Variants in FBXL13 observed in about 807,000 individuals in gnomAD.
FBXL13 encodes F-box and leucine rich repeat protein 13.
A neutral mutation model predicts 83.6 loss-of-function variants in FBXL13; 67 were observed. That is an observed-to-expected ratio of 0.80 (90% CI 0.66 to 0.98). FBXL13 has a LOEUF of 0.98. FBXL13 is among the 50% of genes least tolerant of loss of function. FBXL13 has a pLI of 0.00. For missense variants in FBXL13, 822 were observed against 866.5 expected, an observed-to-expected ratio of 0.95 and a Z score of 0.64; for synonymous variants, 272 against 299.5, an observed-to-expected ratio of 0.91 and a Z score of 0.95.
intron 17 of FBXL13, among the ~76,000 whole-genome samples, chr7:102,844,797 G>C (rs1387752539): frequency 6.6e-6 from 1 of 152,140 alleles, no homozygotes; most frequent in Non-Finnish European, 1.5e-5. Context: ...CAAGTCCCAG[G>C]TTGTCACTTG....
At chr7:102,867,682 TA>T in intron 16 of FBXL13, among the ~76,000 whole-genome samples, 1 of 81,494 alleles carries the variant, frequency 1.2e-5, no homozygotes, top group African/African-American at 8.2e-5. Context: ...TATATATATA[TA>T]TATATATATA....
chr7:102,813,322 T>G (rs114315743), exon 20 of FBXL13: 2 of 1,571,130 alleles, frequency 1.3e-6, no homozygotes, highest in African/African-American at 2.7e-5. Context: ...TTTTTTGTTC[T>G]TCCTGCTTGA....
At chr7:102,884,162 C>T (rs910640810) in intron 12 of FBXL13, 52 bp downstream of exon 13, 4 of 1,253,478 alleles carry the variant, frequency 3.2e-6, no homozygotes, top group South Asian at 2.4e-5. Flanking sequence ...GCCATTAGAA[C>T]ATATATCTAT....
chr7:102,995,478 CAAAAAAAAA>C (rs1158263069), intron 6 of FBXL13, among the ~76,000 whole-genome samples: 6 of 28,598 alleles, frequency 2.1e-4, no homozygotes, highest in Non-Finnish European at 3.8e-4. Flanking sequence ...GACTCCATCT[CAAAAAAAAA>C]AAAAAAAAAA....
chr7:102,914,009 C>T (rs981427605), intron 10 of FBXL13, among the ~76,000 whole-genome samples: 10 of 152,144 alleles, frequency 6.6e-5, no homozygotes, highest in Non-Finnish European at 1.2e-4. Flanking sequence ...TACTACCATA[C>T]GAGGGCTCGC....
intron 8 of FBXL13, among the ~76,000 whole-genome samples, chr7:102,935,238 CTTTCTT>C (rs1820072436): frequency 2.4e-5 from 2 of 84,472 alleles, no homozygotes; most frequent in African/African-American, 4.7e-5. Context: ...TTTTTTTTTT[CTTTCTT>C]TTTTTTTTTT....
At chr7:102,908,666 C>T (rs920846792) in intron 11 of FBXL13, among the ~76,000 whole-genome samples, 2 of 152,228 alleles carry the variant, frequency 1.3e-5, no homozygotes, top group Non-Finnish European at 2.9e-5. Flanking sequence ...GTCAAGGTAC[C>T]ACCCTGTTGG....
intron 17 of FBXL13, among the ~76,000 whole-genome samples, chr7:102,839,092 G>T (rs1250141655): frequency 2.0e-5 from 3 of 152,250 alleles, no homozygotes; most frequent in African/African-American, 7.2e-5. Flanking sequence ...ACCGCCCTAT[G>T]GCGGGAGACG....
At chr7:102,882,312 T>C (rs1563038165) in intron 14 of FBXL13, among the ~76,000 whole-genome samples, 1 of 152,220 alleles carries the variant, frequency 6.6e-6, no homozygotes. Context: ...TATGCTGACT[T>C]GTGCTTTCCC....
intron 6 of FBXL13, among the ~76,000 whole-genome samples, chr7:103,006,123 G>A (rs961778836): frequency 9.2e-5 from 14 of 152,306 alleles, no homozygotes; most frequent in African/African-American, 2.9e-4. Context: ...TACTACTTGG[G>A]GGCGTATATT....
chr7:103,046,206 T>C lies in FBXL13; in HGVS notation c.-1+9438A>G, dbSNP rs192372537. ...CTGAATTTTTATAATCTACGTTTGA[T>C]GTATTTCTCCATAGGCCACAAGTGT... On this transcript the variant is annotated intron_variant, in intron 2 of 19. Transcript: ENST00000313221. 1.8e-4 allele frequency among the ~76,000 whole-genome samples: 27 copies of C among 152,372 alleles called. No homozygotes were observed. In the East Asian group the frequency reaches 5.0e-3, roughly 28 times the overall value.
At chr7:102,950,925 G>C (rs980414560) in intron 8 of FBXL13, among the ~76,000 whole-genome samples, 5 of 152,048 alleles carry the variant, frequency 3.3e-5, no homozygotes, top group Non-Finnish European at 7.4e-5. Flanking sequence ...ATATTATAAT[G>C]GTAAACACCT....
chr7:103,073,507 A>G (rs1389859759), intron 1 of FBXL13, among the ~76,000 whole-genome samples: 1 of 135,448 alleles, frequency 7.4e-6, no homozygotes, highest in Non-Finnish European at 1.7e-5. Context: ...GATAATAATA[A>G]TATGTCTTGG....
At chr7:103,038,219 A>G (rs1202734242) in intron 2 of FBXL13, among the ~76,000 whole-genome samples, 1 of 152,212 alleles carries the variant, frequency 6.6e-6, no homozygotes. Context: ...GCAGTCTGAG[A>G]TCGACCTGCG....
At chr7:102,826,253 G>A (rs1352328819) in intron 18 of FBXL13, among the ~76,000 whole-genome samples, 1 of 152,040 alleles carries the variant, frequency 6.6e-6, no homozygotes, top group African/African-American at 2.4e-5. Context: ...GCAAGAAAGG[G>A]GCTGAATAGT....
At chr7:102,818,638 G>C (rs1449632455) in intron 19 of FBXL13, among the ~76,000 whole-genome samples, 1 of 152,134 alleles carries the variant, frequency 6.6e-6, no homozygotes, top group African/African-American at 2.4e-5. Context: ...TAAGCTTCTA[G>C]CAACTGCTAA....
chr7:103,011,828 T>G (rs773075148), intron 6 of FBXL13, among the ~76,000 whole-genome samples: 4 of 151,718 alleles, frequency 2.6e-5, no homozygotes, highest in Non-Finnish European at 5.9e-5. Context: ...GAACAAAACC[T>G]CCAAGAAATA....
chr7:103,009,573 T>C (rs1791368697), intron 6 of FBXL13, among the ~76,000 whole-genome samples: 3 of 152,238 alleles, frequency 2.0e-5, no homozygotes, highest in Non-Finnish European at 4.4e-5. Flanking sequence ...TCAGACATTT[T>C]TGAGGGGCAA....
intron 6 of FBXL13, among the ~76,000 whole-genome samples, chr7:102,983,975 G>A (rs76984773): frequency 8.5e-5 from 13 of 152,168 alleles, no homozygotes; most frequent in South Asian, 2.1e-4. Flanking sequence ...TACTTTGTTC[G>A]TGACATTAGG....
Sources: gnomAD v4.1 joint callset for allele counts (sites outside exome capture counted in the v4.1 genomes callset) on GRCh38, gnomAD v4.1.1 for gene constraint, MANE v1.5 for transcripts, NCBI Gene and HGNC (gene_info 2026-07-23, HGNC 2026-07-21) for gene names.